USP39: variants seen among roughly 807,000 people sequenced by gnomAD.
USP39 encodes ubiquitin specific peptidase 39.
In USP39, 38 loss-of-function variants were observed where a neutral mutation model predicts 66.4. The ratio of observed to expected loss-of-function variants is 0.57; its 90% CI spans 0.44 to 0.75. The LOEUF (loss-of-function observed/expected upper bound fraction) is 0.75, where lower values mean the gene tolerates loss of function less well. Among genes scored for constraint, USP39 ranks in the 30% least tolerant of loss-of-function variants. USP39 has a pLI of 0.00. For missense variants in USP39, 608 were observed against 714.4 expected (o/e 0.85, Z 1.70); for synonymous variants, 303 against 274.6 (o/e 1.10, Z -1.02).
chr2:85,642,816 T>A (rs981997263), intron 10 of USP39, among the ~76,000 whole-genome samples: 10 of 152,198 alleles, frequency 6.6e-5, no homozygotes, highest in Admixed American at 6.5e-4. Context: ...TTATCAGACT[T>A]ATGGTGATTA....
At chr2:85,625,835 T>C in intron 5 of USP39, 144 bp downstream of exon 5, 2 of 1,002,582 alleles carry the variant, frequency 2.0e-6, no homozygotes, top group Middle Eastern at 3.1e-4. Context: ...CTGGCCAACA[T>C]GGAGAAACCC....
upstream of USP39, chr2:85,608,570 T>C (rs1381884854): frequency 1.7e-5 from 3 of 174,278 alleles, no homozygotes; most frequent in African/African-American, 2.4e-5. Context: ...ACGTGGCTCA[T>C]GGAGCTGAGT....
intron 1 of USP39, among the ~76,000 whole-genome samples, chr2:85,605,982 A>G (rs557986885): frequency 6.6e-5 from 10 of 152,340 alleles, no homozygotes; most frequent in African/African-American, 1.4e-4. Flanking sequence ...TGCCAGCTGG[A>G]TAACAACTCA....
intron 4 of USP39, among the ~76,000 whole-genome samples, chr2:85,624,047 A>T (rs536396137): frequency 5.3e-5 from 8 of 152,324 alleles, no homozygotes; most frequent in African/African-American, 1.9e-4. Context: ...GATGGGGTTT[A>T]AAGTGTTTTT....
At chr2:85,618,587 G>A (rs1472974673) in intron 1 of USP39, among the ~76,000 whole-genome samples, 4 of 149,496 alleles carry the variant, frequency 2.7e-5, no homozygotes, top group African/African-American at 4.9e-5. Flanking sequence ...AAAAAAAAAC[G>A]AAACACACAA....
chr2:85,609,096 G>C (rs781679335), upstream of USP39: 70 of 1,610,218 alleles, frequency 4.3e-5, no homozygotes, highest in Non-Finnish European at 5.4e-5. Context: ...AGAAGGCTCA[G>C]GGCCTGGCCT....
intron 9 of USP39, 118 bp downstream of exon 9, chr2:85,639,509 C>A: frequency 9.0e-7 from 1 of 1,105,548 alleles, no homozygotes; most frequent in Non-Finnish European, 1.2e-6. Context: ...GGCTGGAGTG[C>A]AGTGGCGTGA....
rs4019533 is a variant in USP39 at position 85,616,678 on chromosome 2, CTTT to C, written c.268+230_268+232del. ...AATAATCGTATAGTATTTCTTTTTT[CTTT>C]TTTTTTTTTTTTTTGAGATGGAGTC... On this transcript the variant is annotated intron_variant, in intron 1 of 12. Coordinates refer to ENST00000323701, the MANE Select transcript of USP39 (RefSeq NM_006590.4). 2.1e-3 allele frequency among the ~76,000 whole-genome samples: 227 copies of C among 106,908 alleles called. 1 individual carries two copies. Among genetic ancestry groups the C allele is most frequent in the African/African-American group, 6.2e-3 (176 of 28,196 alleles). 70.1% of individuals were successfully genotyped at this position (106,908 alleles called of 152,430 possible).
chr2:85,603,732 A>G (rs1030468585), intron 1 of USP39, among the ~76,000 whole-genome samples: 1 of 151,264 alleles, frequency 6.6e-6, no homozygotes, highest in African/African-American at 2.4e-5. Flanking sequence ...GCTGGGAACT[A>G]CAGGCGCCCG....
rs767525144 is a variant in USP39 at position 85,621,569 on chromosome 2, G to T, written c.423G>T (p.Lys141Asn). 1 of 1,612,352 alleles carries T rather than the reference G, an allele frequency of 6.2e-7. No individual in the cohort carries two copies. The change falls in exon 3 of 13, where the codon AAG becomes AAT. Residue 141 changes from lysine (K) to asparagine (N), a missense_variant. Lys to Asn is a moderately conservative substitution (Grantham distance 94, BLOSUM62 0). Around this residue, in one of 6 missense-constraint regions of USP39, gnomAD observed 115 missense variants for 198.6 expected, o/e 0.58. Transcript: ENST00000323701. ...INAYACLVCG[K>N]YFQGRGLKSH... is the part of the protein sequence containing the mutation. ...CTTATGCCTGTCTGGTGTGTGGCAA[G>T]TACTTTCAAGGTAAATAAGTTGTTA...
chr2:85,611,312 AT>A (rs1673507686), upstream of USP39: 5 of 1,423,490 alleles, frequency 3.5e-6, no homozygotes, highest in South Asian at 7.6e-5. Context: ...GGGAAAGGCC[AT>A]TTACTGGGTT....
intron 3 of USP39, among the ~76,000 whole-genome samples, chr2:85,622,716 G>A (rs56928407): frequency 6.7e-6 from 1 of 149,194 alleles, no homozygotes; most frequent in Non-Finnish European, 1.5e-5. Flanking sequence ...ACACCAAGCA[G>A]ATGCCATGTA....
chr2:85,625,362 T>C (rs1573408583), intron 4 of USP39, among the ~76,000 whole-genome samples, 177 bp from the exon 5 acceptor site: 1 of 152,204 alleles, frequency 6.6e-6, no homozygotes, highest in African/African-American at 2.4e-5. Context: ...AGATTAGCCA[T>C]GGGAGAGGAT....
At position 85,621,528 on chromosome 2, in the gene USP39, C is replaced by A. The variant is rs536447039; in HGVS notation, c.382C>A (p.Leu128Ile). The change falls in exon 3 of 13, where the codon CTC becomes ATC. Residue 128 changes from leucine (L) to isoleucine (I), a missense_variant. By Grantham distance (5) the Leu-to-Ile change is conservative. This residue lies in a region of USP39 where 115 missense variants were observed against 198.6 expected (regional missense o/e 0.58). Transcript: ENST00000323701. ...CTTTGAGAAACTGTGTTCTATCTCC[C>A]TCTCACACATCAATGCTTATGCCTG... ...FDFEKLCSIS[L>I]SHINAYACLV... The A allele has an allele frequency of 1.2e-6, 2 of 1,614,074 alleles. No individual in the cohort carries two copies. The highest frequency in any genetic ancestry group is 1.7e-6 in the Non-Finnish European group (2 of 1,180,012).
chr2:85,609,360 C>T (rs1007855554), upstream of USP39: 54 of 1,553,404 alleles, frequency 3.5e-5, no homozygotes, highest in Admixed American at 2.3e-4. Context: ...CTGAGGAAAA[C>T]AGGGCTCAGG....
At chr2:85,617,437 C>T (rs1490735509) in intron 1 of USP39, among the ~76,000 whole-genome samples, 3 of 152,170 alleles carry the variant, frequency 2.0e-5, no homozygotes, top group South Asian at 2.1e-4. Context: ...TGCCTGACTG[C>T]CTTTTCTCCT....
chr2:85,604,109 T>C (rs1268238605), intron 1 of USP39, among the ~76,000 whole-genome samples: 2 of 152,170 alleles, frequency 1.3e-5, no homozygotes, highest in African/African-American at 4.8e-5. Flanking sequence ...CAGGGTCCTG[T>C]GCTTTAGAGA....
chr2:85,609,169 C>T, upstream of USP39: 1 of 1,491,858 alleles, frequency 6.7e-7, no homozygotes, highest in Non-Finnish European at 9.0e-7. Flanking sequence ...TAGCTCAAGG[C>T]TTTTTGCCAG....
At chr2:85,642,176 G>A (rs930851690) in intron 10 of USP39, among the ~76,000 whole-genome samples, 21 of 152,150 alleles carry the variant, frequency 1.4e-4, no homozygotes, top group Admixed American at 5.2e-4. Flanking sequence ...TTAGAATCAT[G>A]GAGGGTGAGG....
Sources: allele counts gnomAD v4.1 joint callset (sites outside exome capture counted in the v4.1 genomes callset), GRCh38; gene constraint gnomAD v4.1.1; regional missense constraint gnomAD v4.1.1; transcripts MANE v1.5; gene names NCBI Gene and HGNC (gene_info 2026-07-23, HGNC 2026-07-21).